Variants in ARHGAP6 observed in about 807,000 individuals in gnomAD.
ARHGAP6 encodes rho GTPase-activating protein 6.
In ARHGAP6, 16 loss-of-function variants were observed where a neutral mutation model predicts 55.7. That is an observed-to-expected ratio of 0.29 (90% CI 0.19 to 0.44). The LOEUF (loss-of-function observed/expected upper bound fraction) is 0.44, where lower values mean the gene tolerates loss of function less well. Ranked by LOEUF, ARHGAP6 falls within the 20% of genes least tolerant of loss-of-function variation. The probability of loss-of-function intolerance (pLI) is 1.00; values close to 1 mark genes in which losing one functional copy is unlikely to be tolerated. For missense variants in ARHGAP6, 698 were observed against 808.9 expected (o/e 0.86, Z 1.66); for synonymous variants, 382 against 360.9 (o/e 1.06, Z -0.66).
intron 1 of ARHGAP6, among the ~76,000 whole-genome samples, chrX:11,520,481 G>T (rs1197205286): frequency 9.2e-6 from 1 of 109,108 alleles, no homozygotes; most frequent in East Asian, 2.9e-4. Context: ...TCCCTACAAA[G>T]GACATGAACT....
Position 11,231,693 on chromosome X carries a change from T to C in ARHGAP6, c.748+22855A>G, listed in dbSNP as rs1288983747. Among the ~76,000 whole-genome samples the C allele has an allele frequency of 4.4e-5, 5 of 112,565 alleles. No homozygotes were observed. The East Asian group carries it at 1.4e-3, about 31-fold the overall frequency. On this transcript the variant is annotated intron_variant, in intron 2 of 12. Transcript: ENST00000337414. ...TTAAGTCTGCCCTGATTTCTGTGCA[T>C]ACACCTGATTTATTGCACTCAGAGT...
At chrX:11,404,047 G>T (rs1469844756) in intron 1 of ARHGAP6, among the ~76,000 whole-genome samples, 1 of 112,015 alleles carries the variant, frequency 8.9e-6, no homozygotes, top group African/African-American at 3.2e-5. Flanking sequence ...ATATGTTACA[G>T]ATATCCAAGT....
At chrX:11,298,223 T>C (rs754218426) in intron 1 of ARHGAP6, 4 of 1,210,988 alleles carry the variant, frequency 3.3e-6, no homozygotes, top group Non-Finnish European at 4.5e-6. Context: ...TTCTAATATC[T>C]TTTTCTCTTA....
intron 1 of ARHGAP6, among the ~76,000 whole-genome samples, chrX:11,438,054 C>T (rs1008781875): frequency 8.9e-6 from 1 of 112,332 alleles, no homozygotes; most frequent in African/African-American, 3.2e-5. Context: ...AGGTATGAGT[C>T]GGTCTTTTCG....
chrX:11,184,328 T>C, intron 5 of ARHGAP6, among the ~76,000 whole-genome samples: 1 of 112,602 alleles, frequency 8.9e-6, no homozygotes, highest in Non-Finnish European at 1.9e-5. Context: ...GCTCAAGGGA[T>C]CTTCTTGCCT....
chrX:11,176,065 A>G (rs972765324), intron 8 of ARHGAP6, among the ~76,000 whole-genome samples: 7 of 100,993 alleles, frequency 6.9e-5, no homozygotes, highest in Admixed American at 5.6e-4. Context: ...TATGGGGTCC[A>G]TGGCACCTCC....
At chrX:11,573,742 T>C (rs2147110540) in intron 1 of ARHGAP6, among the ~76,000 whole-genome samples, 1 of 110,861 alleles carries the variant, frequency 9.0e-6, no homozygotes, top group South Asian at 3.9e-4. Flanking sequence ...GGTAGCTTGA[T>C]GGGGATGGCA....
intron 1 of ARHGAP6, among the ~76,000 whole-genome samples, chrX:11,545,978 C>A (rs891669466): frequency 9.0e-6 from 1 of 110,854 alleles, no homozygotes; most frequent in Non-Finnish European, 1.9e-5. Flanking sequence ...ATTTGCCCTG[C>A]AATTGACCTT....
At chrX:11,451,083 C>T (rs1231667089) in intron 1 of ARHGAP6, among the ~76,000 whole-genome samples, 1 of 111,446 alleles carries the variant, frequency 9.0e-6, no homozygotes, top group Non-Finnish European at 1.9e-5. Context: ...CTGTAACCTG[C>T]ACACATTGGA....
Position 11,322,770 on chromosome X carries a change from T to C in ARHGAP6, c.589-68063A>G, listed in dbSNP as rs190975109. On this transcript the variant is annotated intron_variant, in intron 1 of 12. Coordinates refer to ENST00000337414, the MANE Select transcript of ARHGAP6 (RefSeq NM_013427.3). The stretch of plus-strand genomic sequence containing the variant: ...ATTTTTCATATTTAAGCACAATAGA[T>C]TGACAAATCTGGAGTGACTATTTCT... Among the ~76,000 whole-genome samples, 10 of 112,569 alleles carry C rather than the reference T, an allele frequency of 8.9e-5. No homozygotes were observed. The East Asian group carries it at 1.9e-3, about 22-fold the overall frequency.
At chrX:11,152,412 A>G (rs1450885592) in intron 10 of ARHGAP6, among the ~76,000 whole-genome samples, 2 of 111,915 alleles carry the variant, frequency 1.8e-5, no homozygotes, top group Middle Eastern at 4.6e-3. Flanking sequence ...GCCTTACAGT[A>G]ATCTATTGTC....
At chrX:11,633,953 G>A (rs1454274942) in intron 1 of ARHGAP6, among the ~76,000 whole-genome samples, 1 of 111,563 alleles carries the variant, frequency 9.0e-6, no homozygotes, top group Non-Finnish European at 1.9e-5. Context: ...GAGTTGTTGT[G>A]AGGATCAAAT....
At chrX:11,303,979 C>T (rs139517430) in intron 1 of ARHGAP6, among the ~76,000 whole-genome samples, 3,499 of 111,953 alleles carry the variant, frequency 0.031, 152 homozygotes, top group African/African-American at 0.11. Context: ...AGAGCTTTGT[C>T]CTGCCTCTGT....
At chrX:11,421,975 T>C (rs754526246) in intron 1 of ARHGAP6, among the ~76,000 whole-genome samples, 1 of 112,146 alleles carries the variant, frequency 8.9e-6, no homozygotes. Flanking sequence ...GCCAGATTCA[T>C]GTTCTCATAA....
intron 1 of ARHGAP6, among the ~76,000 whole-genome samples, chrX:11,614,663 G>A (rs1465733543): frequency 8.9e-6 from 1 of 111,938 alleles, no homozygotes; most frequent in Non-Finnish European, 1.9e-5. Context: ...CAGAATGACT[G>A]TTAAAACATT....
At chrX:11,573,382 C>G (rs1291755067) in intron 1 of ARHGAP6, among the ~76,000 whole-genome samples, 1 of 110,488 alleles carries the variant, frequency 9.1e-6, no homozygotes, top group Non-Finnish European at 1.9e-5. Flanking sequence ...AGGAAGGGAT[C>G]CAGTTTCAGC....
chrX:11,236,949 C>G (rs1397368131), intron 2 of ARHGAP6, among the ~76,000 whole-genome samples: 3 of 112,384 alleles, frequency 2.7e-5, no homozygotes, highest in Non-Finnish European at 5.6e-5. Context: ...GCTCTCCTAT[C>G]CAGGAGGTGT....
intron 10 of ARHGAP6, chrX:11,148,872 G>A (rs1282813999): frequency 4.2e-6 from 1 of 238,038 alleles, no homozygotes; most frequent in Non-Finnish European, 8.0e-6. Context: ...CCAGTCTGTT[G>A]GAACTGAAAG....
intron 1 of ARHGAP6, among the ~76,000 whole-genome samples, chrX:11,265,533 T>C (rs1000348121): frequency 1.8e-5 from 2 of 112,035 alleles, no homozygotes. Flanking sequence ...TAAATCCATA[T>C]TGACACAGAC....
Sources: gnomAD v4.1 joint callset for allele counts (sites outside exome capture counted in the v4.1 genomes callset) on GRCh38, gnomAD v4.1.1 for gene constraint, MANE v1.5 for transcripts, NCBI Gene and HGNC (gene_info 2026-07-23, HGNC 2026-07-21) for gene names.